The following COL8A1 variants were observed in gnomAD, a reference collection of about 807,000 sequenced individuals.
The protein encoded by COL8A1 is collagen alpha-1(VIII) chain.
A neutral mutation model predicts 42.7 loss-of-function variants in COL8A1; 21 were observed. That is an observed-to-expected ratio of 0.49 (90% CI 0.35 to 0.71). The LOEUF (loss-of-function observed/expected upper bound fraction) is 0.71. COL8A1 is among the 30% of genes least tolerant of loss of function. The pLI is 0.01. For synonymous variants in COL8A1, 367 were observed against 369.1 expected (o/e 0.99, Z 0.06); for missense variants, 788 against 962.4 (o/e 0.82, Z 2.40).
intron 1 of COL8A1, among the ~76,000 whole-genome samples, chr3:99,672,611 C>T (rs1938581111): frequency 1.3e-5 from 2 of 151,662 alleles, no homozygotes; most frequent in Admixed American, 6.6e-5. Flanking sequence ...TTATTCACTC[C>T]ATTATCATTG....
At chr3:99,730,132 T>C (rs961649655) in intron 1 of COL8A1, among the ~76,000 whole-genome samples, 3 of 152,158 alleles carry the variant, frequency 2.0e-5, no homozygotes, top group African/African-American at 7.2e-5. Flanking sequence ...CAACATTGCA[T>C]GAAAGAATAG....
chr3:99,784,436 C>T (rs905539872), intron 2 of COL8A1, among the ~76,000 whole-genome samples: 1 of 152,068 alleles, frequency 6.6e-6, no homozygotes, highest in African/African-American at 2.4e-5. Context: ...AGAGATGCAC[C>T]ATTAACTGAT....
intron 1 of COL8A1, among the ~76,000 whole-genome samples, chr3:99,694,279 T>G (rs1381278148): frequency 1.3e-5 from 2 of 152,050 alleles, no homozygotes; most frequent in Non-Finnish European, 2.9e-5. Flanking sequence ...GGTCAGGAGT[T>G]CGAGACCAGC....
intron 1 of COL8A1, among the ~76,000 whole-genome samples, chr3:99,653,152 T>C (rs2107291853): frequency 6.6e-6 from 1 of 152,356 alleles, no homozygotes; most frequent in East Asian, 1.9e-4. Context: ...TATTTAATAC[T>C]AATGAAAACC....
At chr3:99,666,011 C>A (rs533544520) in intron 1 of COL8A1, among the ~76,000 whole-genome samples, 1 of 152,092 alleles carries the variant, frequency 6.6e-6, no homozygotes, top group South Asian at 2.1e-4. Flanking sequence ...ATTGATAGAG[C>A]AGTAGGTGCC....
intron 1 of COL8A1, among the ~76,000 whole-genome samples, chr3:99,696,976 A>ATTTGT (rs1939389463): frequency 1.1e-5 from 1 of 88,016 alleles, no homozygotes; most frequent in African/African-American, 4.3e-5. Flanking sequence ...ATATACACAA[A>ATTTGT]TTTTTTTTTT....
chr3:99,642,211 GC>G lies in COL8A1; in HGVS notation c.-129+3548del, dbSNP rs1474436560. 2.6e-5 allele frequency among the ~76,000 whole-genome samples: 4 copies of G among 152,252 alleles called. No individual in the cohort carries two copies. The East Asian group carries it at 7.7e-4, about 29-fold the overall frequency. On this transcript the variant is annotated intron_variant, in intron 1 of 3. Coordinates refer to ENST00000652472, the MANE Select transcript of COL8A1 (RefSeq NM_020351.4). Reference sequence around the variant, plus strand: ...ATTTCAACACAAACAGAGAAAAGCTGCTAATGAGAGATCCCTCTATCACTTT... The same window carrying G: ...ATTTCAACACAAACAGAGAAAAGCTGTAATGAGAGATCCCTCTATCACTTT...
intron 1 of COL8A1, among the ~76,000 whole-genome samples, chr3:99,666,102 T>C (rs116785172): frequency 0.013 from 1,935 of 152,274 alleles, 39 homozygotes; most frequent in African/African-American, 0.043. Context: ...GGAATCCTGA[T>C]GAAATCTTGG....
At chr3:99,652,726 G>C (rs1576414033) in intron 1 of COL8A1, among the ~76,000 whole-genome samples, 1 of 152,186 alleles carries the variant, frequency 6.6e-6, no homozygotes, top group Non-Finnish European at 1.5e-5. Context: ...AACATGTCTT[G>C]ATGGGCTAGT....
intron 1 of COL8A1, among the ~76,000 whole-genome samples, chr3:99,728,415 A>G (rs1940401664): frequency 6.6e-6 from 1 of 151,994 alleles, no homozygotes; most frequent in African/African-American, 2.4e-5. Context: ...GGTCTAGATT[A>G]TGGTTGTTCT....
intron 1 of COL8A1, among the ~76,000 whole-genome samples, chr3:99,739,527 CAGA>C: frequency 6.6e-6 from 1 of 152,194 alleles, no homozygotes. Context: ...AAAATCTAGG[CAGA>C]AGTTCTCAAA....
intron 1 of COL8A1, among the ~76,000 whole-genome samples, chr3:99,661,979 A>G (rs1212835553): frequency 3.3e-5 from 5 of 152,186 alleles, no homozygotes; most frequent in Admixed American, 2.0e-4. Flanking sequence ...ATGGGGAGTT[A>G]TTTTTAAATG....
Position 99,795,298 on chromosome 3 carries a change from A to C in COL8A1, c.1397A>C (p.Gln466Pro). 6.2e-7 allele frequency: 1 copy of C among 1,610,230 alleles called. No homozygotes were observed. Among genetic ancestry groups the C allele is most frequent in the Non-Finnish European group, 8.5e-7 (1 of 1,178,202 alleles). ...GPIGPKGEAG[Q>P]KGVPGLPGVP... is the part of the protein sequence containing the mutation. ...ATAGGGCCCAAGGGGGAAGCTGGGC[A>C]AAAAGGTGTACCAGGACTCCCTGGT... Residue 466 changes from glutamine to proline, a missense_variant, in exon 4 of 4, where the codon CAA becomes CCA. Transcript: ENST00000652472.
intron 1 of COL8A1, among the ~76,000 whole-genome samples, chr3:99,725,163 G>C (rs1940269143): frequency 6.6e-6 from 1 of 151,944 alleles, no homozygotes; most frequent in Non-Finnish European, 1.5e-5. Flanking sequence ...TTTTACCTTG[G>C]ATTAAGGGCA....
At chr3:99,755,590 T>C (rs1941238431) in intron 2 of COL8A1, among the ~76,000 whole-genome samples, 1 of 152,148 alleles carries the variant, frequency 6.6e-6, no homozygotes, top group Non-Finnish European at 1.5e-5. Context: ...GGGAAAGGGA[T>C]AGAGAATGAT....
intron 1 of COL8A1, among the ~76,000 whole-genome samples, chr3:99,671,800 C>T (rs1000686653): frequency 6.6e-6 from 1 of 151,930 alleles, no homozygotes; most frequent in Non-Finnish European, 1.5e-5. Flanking sequence ...CCATATGACC[C>T]AGTAATCTAC....
At chr3:99,768,954 T>A (rs1253576246) in intron 2 of COL8A1, among the ~76,000 whole-genome samples, 1 of 152,200 alleles carries the variant, frequency 6.6e-6, no homozygotes, top group African/African-American at 2.4e-5. Context: ...AGAGAGTACT[T>A]GCATTTCAGA....
chr3:99,795,428 T>C lies in COL8A1; in HGVS notation c.1527T>C (p.Ile509=). The change falls in exon 4 of 4, where the codon ATT becomes ATC. Residue 509 remains isoleucine, a synonymous_variant. Coordinates refer to ENST00000652472, the MANE Select transcript of COL8A1 (RefSeq NM_020351.4). Reference sequence around the variant, plus strand: ...GGATTGGGGGCCCTAGTGGCCCCATTGGACCACCTGGGATTCCAGGCCCCA... The same window carrying C: ...GGATTGGGGGCCCTAGTGGCCCCATCGGACCACCTGGGATTCCAGGCCCCA... ...IPGIGGPSGP[I]GPPGIPGPKG... is the part of the protein sequence containing the mutation. The C allele has an allele frequency of 6.6e-7, 1 of 1,522,490 alleles. No individual in the cohort carries two copies. Among genetic ancestry groups the C allele is most frequent in the Non-Finnish European group, 8.8e-7 (1 of 1,133,022 alleles). 94.3% of individuals were successfully genotyped at this position (1,522,490 alleles called of 1,614,324 possible).
intron 1 of COL8A1, among the ~76,000 whole-genome samples, chr3:99,669,495 G>A (rs567434139): frequency 6.6e-5 from 10 of 152,106 alleles, no homozygotes; most frequent in African/African-American, 2.2e-4. Flanking sequence ...AGATAATTGA[G>A]AAGAATTATG....
Sources: gnomAD v4.1 joint callset for allele counts (sites outside exome capture counted in the v4.1 genomes callset) on GRCh38, gnomAD v4.1.1 for gene constraint, MANE v1.5 for transcripts, NCBI Gene and HGNC (gene_info 2026-07-23, HGNC 2026-07-21) for gene names.